The following KLHL23 variants were observed in gnomAD, a reference collection of about 807,000 sequenced individuals.
KLHL23 encodes kelch like family member 23.
A neutral mutation model predicts 48.9 loss-of-function variants in KLHL23; 33 were observed. The ratio of observed to expected loss-of-function variants is 0.67; its 90% CI spans 0.51 to 0.90. The LOEUF (loss-of-function observed/expected upper bound fraction) is 0.90. Among genes scored for constraint, KLHL23 ranks in the 40% least tolerant of loss-of-function variants. The pLI is 0.00. For missense variants in KLHL23, 608 were observed against 669.6 expected, an observed-to-expected ratio of 0.91 and a Z score of 1.02; for synonymous variants, 234 against 231.6, an observed-to-expected ratio of 1.01 and a Z score of -0.09.
intron 2 of KLHL23, among the ~76,000 whole-genome samples, chr2:169,738,553 T>C (rs956912744): frequency 7.9e-5 from 12 of 152,198 alleles, no homozygotes; most frequent in Admixed American, 7.9e-4. Flanking sequence ...TTATTACCTT[T>C]TTTTGGTCCT....
Position 169,735,505 on chromosome 2 carries a change from C to T in KLHL23, c.491C>T (p.Ser164Leu). Residue 164 changes from serine (S) to leucine (L), a missense_variant, in exon 2 of 4, where the codon TCA (serine) becomes TTA (leucine). This residue lies in a region of KLHL23 where 419 missense variants were observed against 473.1 expected (regional missense o/e 0.89). Transcript: ENST00000392647. This position sits in a 1 kb window ranked among gnomAD's most constrained non-coding sequence, Gnocchi z 4.5. ...LEKESRRILC[S>L]KFKEVWQQEE... The stretch of plus-strand genomic sequence containing the variant: ...AAGGAATCTCGAAGAATTCTATGTT[C>T]AAAGTTTAAGGAAGTGTGGCAACAA... The T allele has an allele frequency of 6.2e-7, 1 of 1,613,892 alleles. No homozygotes were observed. The highest frequency in any genetic ancestry group is 8.5e-7 in the Non-Finnish European group (1 of 1,179,994).
intron 1 of KLHL23, 106 bp from the exon 2 acceptor site, chr2:169,734,907 A>T (rs562365947): frequency 2.0e-5 from 28 of 1,390,272 alleles, no homozygotes; most frequent in Admixed American, 5.5e-5. Flanking sequence ...TGCTGAACTT[A>T]GTCCAGTTTT....
In KLHL23 at chr2:169,735,114, T is replaced by G. The variant is rs546759047; in HGVS notation, c.100T>G (p.Leu34Val). 8.8e-5 allele frequency: 142 copies of G among 1,611,674 alleles called. No homozygotes were observed. The highest frequency in any genetic ancestry group is 9.2e-5 in the Non-Finnish European group (108 of 1,179,486). Residue 34 changes from leucine (L) to valine (V), a missense_variant, in exon 2 of 4, where the codon TTA becomes GTA. Coordinates refer to ENST00000392647, the MANE Select transcript of KLHL23 (RefSeq NM_144711.6). This position sits in a 1 kb window ranked among gnomAD's most constrained non-coding sequence, Gnocchi z 4.5. ...DAFRTFYLDG[L>V]FTDITLQCPS... is the part of the protein sequence containing the mutation. ...ATTCAGAACATTTTACTTGGATGGA[T>G]TATTTACTGATATTACTCTTCAGTG...
At position 169,735,620 on chromosome 2, in the gene KLHL23, G is replaced by A; in HGVS notation, c.606G>A (p.Glu202=). 1 of 1,613,968 alleles carries A rather than the reference G, an allele frequency of 6.2e-7. No homozygotes were observed. Among genetic ancestry groups the A allele is most frequent in the Non-Finnish European group, 8.5e-7 (1 of 1,180,034 alleles). ...TTTGGAAAGAAGAAGCTATCATAGA[G>A]CCAGTTATTAAGTGGACTGCTCATG... ...LSVWKEEAII[E]PVIKWTAHDV... is the part of the protein sequence containing the mutation. The change falls in exon 2 of 4, where the codon GAG becomes GAA. Residue 202 remains glutamate, a synonymous_variant. Transcript: ENST00000392647. This position sits in a 1 kb window ranked among gnomAD's most constrained non-coding sequence, Gnocchi z 4.5.
In KLHL23 at chr2:169,735,997, A is replaced by G; in HGVS notation, c.983A>G (p.Tyr328Cys). ...LGPNIYVTGG[Y>C]RTDNIEALDT... is the part of the protein sequence containing the mutation. ...CCCAACATTTATGTAACTGGGGGCT[A>G]CAGGACGGATAACATAGAAGCTCTT... Residue 328 changes from tyrosine (Y) to cysteine (C), a missense_variant, in exon 2 of 4, where the codon TAC (tyrosine) becomes TGC (cysteine). Physicochemically the swap from Tyr to Cys is radical, Grantham distance 194. Around this residue, in one of 3 missense-constraint regions of KLHL23, gnomAD observed 419 missense variants for 473.1 expected, o/e 0.89. Transcript: ENST00000392647. This position sits in a 1 kb window ranked among gnomAD's most constrained non-coding sequence, Gnocchi z 4.5. 1.2e-6 allele frequency: 2 copies of G among 1,614,230 alleles called. No homozygotes were observed. The highest frequency in any genetic ancestry group is 1.7e-6 in the Non-Finnish European group (2 of 1,180,032).
In KLHL23 at chr2:169,750,326, C is replaced by G. The variant is rs1688944560; in HGVS notation, c.*594C>G. On this transcript the variant is annotated 3_prime_UTR_variant, in exon 4 of 4. Transcript: ENST00000392647. ...CCATTCTGTGGAATGAAATGTTTCT[C>G]AAGAGCCTATAATATAGTAGATAGT... 6.6e-6 allele frequency: 1 copy of G among 152,116 alleles called. No homozygotes were observed. Among genetic ancestry groups the G allele is most frequent in the Admixed American group, 6.6e-5 (1 of 15,188 alleles). 9.4% of individuals were successfully genotyped at this position (152,116 alleles called of 1,614,324 possible). A position where few individuals can be genotyped will look rare whatever the true frequency, so the allele number is the denominator to read the frequency against.
At chr2:169,745,085 G>C (rs1057239068) in intron 3 of KLHL23, among the ~76,000 whole-genome samples, 1 of 150,442 alleles carries the variant, frequency 6.6e-6, no homozygotes, top group Non-Finnish European at 1.5e-5. Flanking sequence ...GCTAATTTTT[G>C]TATTTTTTTT....
chr2:169,746,437 T>G (rs969836971), intron 3 of KLHL23, among the ~76,000 whole-genome samples: 2 of 152,254 alleles, frequency 1.3e-5, no homozygotes, highest in Non-Finnish European at 2.9e-5. Flanking sequence ...TGTAAACTTT[T>G]GAGCCGTGAC....
intron 3 of KLHL23, among the ~76,000 whole-genome samples, chr2:169,748,151 A>T (rs1342545382): frequency 6.6e-6 from 1 of 152,222 alleles, no homozygotes; most frequent in Non-Finnish European, 1.5e-5. Context: ...GAAACATTCC[A>T]GATAATGAGA....
intron 3 of KLHL23, among the ~76,000 whole-genome samples, chr2:169,744,170 G>A (rs572052545): frequency 1.3e-5 from 2 of 152,162 alleles, no homozygotes; most frequent in Non-Finnish European, 2.9e-5. Context: ...TGCCGTAGGA[G>A]CTCAGAATCC....
intron 2 of KLHL23, 133 bp downstream of exon 2, chr2:169,736,360 G>A: frequency 7.7e-7 from 1 of 1,295,832 alleles, no homozygotes; most frequent in East Asian, 2.4e-5. Context: ...ATGCTACACA[G>A]AATGTTCCAG....
Position 169,740,768 on chromosome 2 carries a change from AT to A in KLHL23, c.1214-616del, listed in dbSNP as rs1558947735. ...CGGCCTCTATAAGCTTTTTTATATT[AT>A]ATATATATATATATATATATATAAC... On this transcript the variant is annotated intron_variant, in intron 2 of 3. Transcript: ENST00000392647. Among the ~76,000 whole-genome samples, 16 of 41,858 alleles carry A rather than the reference AT, an allele frequency of 3.8e-4. 2 individuals carry two copies. Among genetic ancestry groups the A allele is most frequent in the Admixed American group, 1.2e-3 (6 of 5,064 alleles). The allele number at this position is 41,858 out of a possible 152,430, so 27.5% of individuals were successfully genotyped here.
rs1688588979 is a variant in KLHL23, at chr2:169,738,852, C to T, written c.1214-2533C>T. Among the ~76,000 whole-genome samples, 21 of 2,956 alleles carry T rather than the reference C, an allele frequency of 7.1e-3. 2 individuals carry two copies. The highest frequency in any genetic ancestry group is 0.017 in the East Asian group (1 of 60). 1.9% of individuals were successfully genotyped at this position (2,956 alleles called of 152,430 possible). On this transcript the variant is annotated intron_variant, in intron 2 of 3. Transcript: ENST00000392647. ...CCTCCCCCTCCTCCCCCTCCCCTTC[C>T]TCACCCTCCCCTCTCTTCCCCCTTC...
intron 1 of KLHL23, among the ~76,000 whole-genome samples, chr2:169,734,527 C>T (rs1463515686): frequency 6.6e-6 from 1 of 152,138 alleles, no homozygotes. Flanking sequence ...AGCGAAAGGG[C>T]TCGGGATTTC....
At chr2:169,734,938 C>G in intron 1 of KLHL23, 75 bp from the exon 2 acceptor site, 1 of 1,483,800 alleles carries the variant, frequency 6.7e-7, no homozygotes, top group Non-Finnish European at 8.9e-7. Flanking sequence ...CGATGATAGT[C>G]AAGTTATTTA....
chr2:169,747,348 C>T (rs1293841437), intron 3 of KLHL23, among the ~76,000 whole-genome samples: 1 of 131,106 alleles, frequency 7.6e-6, no homozygotes, highest in Non-Finnish European at 1.6e-5. Flanking sequence ...GAGATTGCGC[C>T]ACTGCACTCC....
At chr2:169,748,063 A>G (rs1397503603) in intron 3 of KLHL23, among the ~76,000 whole-genome samples, 2 of 152,284 alleles carry the variant, frequency 1.3e-5, no homozygotes, top group East Asian at 1.9e-4. Flanking sequence ...ATTTGAGGCT[A>G]TATTGAGCTA....
At chr2:169,737,309 T>C (rs529941551) in intron 2 of KLHL23, among the ~76,000 whole-genome samples, 19 of 152,312 alleles carry the variant, frequency 1.2e-4, no homozygotes, top group Non-Finnish European at 2.4e-4. Flanking sequence ...TTGAAGGACA[T>C]GTCAGCTCTT....
At chr2:169,734,282 C>T (rs1487173012) in intron 1 of KLHL23, among the ~76,000 whole-genome samples, 195 bp downstream of exon 1, 1 of 147,420 alleles carries the variant, frequency 6.8e-6, no homozygotes, top group Admixed American at 6.7e-5. Flanking sequence ...CTGCGGCGTC[C>T]TTCCCACACC....
Sources: gnomAD v4.1 joint callset for allele counts (sites outside exome capture counted in the v4.1 genomes callset) on GRCh38, gnomAD v4.1.1 for gene constraint, gnomAD v4.1.1 regional missense constraint, Gnocchi (gnomAD v3.1) non-coding constraint, MANE v1.5 for transcripts, NCBI Gene and HGNC (gene_info 2026-07-23, HGNC 2026-07-21) for gene names.